OSBPL6: variants seen among roughly 807,000 people sequenced by gnomAD.
OSBPL6 encodes the protein oxysterol binding protein like 6, also known as oxysterol-binding protein-related protein 6.
Under a neutral mutation model 125.8 loss-of-function variants are expected in OSBPL6, and 49 were observed. That is an observed-to-expected ratio of 0.39 (90% confidence interval 0.31 to 0.49). OSBPL6 has a LOEUF of 0.49. OSBPL6 is among the 20% of genes least tolerant of loss of function. The pLI, the probability that OSBPL6 is intolerant of heterozygous loss-of-function variation, is 0.88. For missense variants in OSBPL6, 986 were observed against 1,135.4 expected, an observed-to-expected ratio of 0.87 and a Z score of 1.89; for synonymous variants, 394 against 391.8, an observed-to-expected ratio of 1.01 and a Z score of -0.07.
At position 178,396,267 on chromosome 2, in the gene OSBPL6, G is replaced by A. The variant is rs950539497; in HGVS notation, c.*708G>A. Reference sequence around the variant, plus strand: ...TGGGTTTTTTAAAAGTGAACAACACGTGCTTTACTCTGATAAGTCAGTTAC... The same window carrying A: ...TGGGTTTTTTAAAAGTGAACAACACATGCTTTACTCTGATAAGTCAGTTAC... On this transcript the variant is annotated 3_prime_UTR_variant, in exon 25 of 25. Coordinates refer to ENST00000190611, the MANE Select transcript of OSBPL6 (RefSeq NM_032523.4). The A allele has an allele frequency of 1.3e-5, 2 of 157,450 alleles. No homozygotes were observed. Among genetic ancestry groups the A allele is most frequent in the Non-Finnish European group, 2.8e-5 (2 of 70,824 alleles). 9.8% of individuals were successfully genotyped at this position (157,450 alleles called of 1,614,324 possible). A position where few individuals can be genotyped will look rare whatever the true frequency, so the allele number is the denominator to read the frequency against.
intron 1 of OSBPL6, among the ~76,000 whole-genome samples, chr2:178,272,672 A>T (rs563791937): frequency 6.6e-6 from 1 of 152,216 alleles, no homozygotes; most frequent in Admixed American, 6.5e-5. Flanking sequence ...GTCTCATTGC[A>T]TATCTTTTTA....
At chr2:178,239,983 G>T (rs758093265) in intron 1 of OSBPL6, among the ~76,000 whole-genome samples, 1 of 152,048 alleles carries the variant, frequency 6.6e-6, no homozygotes, top group Non-Finnish European at 1.5e-5. Context: ...ACAAATTTAA[G>T]TATATTTTAT....
intron 1 of OSBPL6, among the ~76,000 whole-genome samples, chr2:178,281,551 G>T (rs1195641548): frequency 2.0e-5 from 3 of 152,024 alleles, no homozygotes; most frequent in Admixed American, 6.5e-5. Flanking sequence ...GCTTGTTTTT[G>T]TCACGTTTGT....
At chr2:178,334,609 A>G (rs1402656335) in intron 8 of OSBPL6, among the ~76,000 whole-genome samples, 1 of 151,780 alleles carries the variant, frequency 6.6e-6, no homozygotes, top group Non-Finnish European at 1.5e-5. Flanking sequence ...AACCTCCTCA[A>G]CCTCCTCCTC....
rs998444346 is a variant in OSBPL6, at chr2:178,351,755, C to T, written c.1153+2366C>T. Among the ~76,000 whole-genome samples, 16 of 152,122 alleles carry T rather than the reference C, an allele frequency of 1.1e-4. No individual in the cohort carries two copies. The East Asian group carries it at 1.9e-3, about 18-fold the overall frequency. The stretch of plus-strand genomic sequence containing the variant: ...GACGCAGGAACAGAAAACCAAATAC[C>T]ACGTGTTCTCACTACAAGTGGGGGC... On this transcript the variant is annotated intron_variant, in intron 12 of 24. Coordinates refer to ENST00000190611, the MANE Select transcript of OSBPL6 (RefSeq NM_032523.4).
intron 15 of OSBPL6, among the ~76,000 whole-genome samples, chr2:178,376,506 C>T (rs758670678): frequency 2.6e-5 from 4 of 152,146 alleles, no homozygotes; most frequent in Non-Finnish European, 2.9e-5. Context: ...TAGATCACCC[C>T]ATCAGTCTCA....
Position 178,333,181 on chromosome 2 carries a change from C to T in OSBPL6, c.657+140C>T, listed in dbSNP as rs1000141891. ...GTGGATCGCCTGACAGCCAGGAGTT[C>T]GAGACCAGCCTGGGCAACATGGTGA... is the stretch of plus-strand genomic sequence containing the variant. On this transcript the variant is annotated intron_variant, in intron 8 of 24. Transcript: ENST00000190611. 25 of 856,380 alleles carry T rather than the reference C, an allele frequency of 2.9e-5. No individual in the cohort carries two copies. The East Asian group carries it at 4.3e-4, about 15-fold the overall frequency. The allele number at this position is 856,380 out of a possible 1,614,324, so 53.0% of individuals were successfully genotyped here.
At chr2:178,331,713 T>C in intron 6 of OSBPL6, 108 bp downstream of exon 6, 1 of 1,143,522 alleles carries the variant, frequency 8.7e-7, no homozygotes, top group Non-Finnish European at 1.3e-6. Context: ...GCTTTGTGCA[T>C]GTCTGGGCCT....
At chr2:178,326,905 T>A (rs934610242) in intron 4 of OSBPL6, among the ~76,000 whole-genome samples, 2 of 150,712 alleles carry the variant, frequency 1.3e-5, no homozygotes, top group African/African-American at 4.9e-5. Context: ...TATCTCTTTT[T>A]CCCCCCCTTC....
chr2:178,203,370 A>C (rs543923240), intron 1 of OSBPL6, among the ~76,000 whole-genome samples: 1 of 152,146 alleles, frequency 6.6e-6, no homozygotes, highest in Non-Finnish European at 1.5e-5. Flanking sequence ...TTCTTTGGCA[A>C]TGTCTACAGT....
chr2:178,354,827 A>G (rs529774409), intron 12 of OSBPL6, among the ~76,000 whole-genome samples: 6 of 151,526 alleles, frequency 4.0e-5, no homozygotes, highest in Non-Finnish European at 8.8e-5. Context: ...AATTGACCAC[A>G]TAATTGGAAG....
chr2:178,358,060 C>T (rs1300329559), intron 12 of OSBPL6, among the ~76,000 whole-genome samples: 3 of 152,006 alleles, frequency 2.0e-5, no homozygotes, highest in Non-Finnish European at 4.4e-5. Context: ...CGGCAGGGAA[C>T]ATCACACGCT....
At chr2:178,289,954 G>C (rs1193911085) in intron 2 of OSBPL6, among the ~76,000 whole-genome samples, 1 of 152,164 alleles carries the variant, frequency 6.6e-6, no homozygotes, top group African/African-American at 2.4e-5. Context: ...ACCTCAGGAG[G>C]CACATATGGT....
intron 4 of OSBPL6, among the ~76,000 whole-genome samples, chr2:178,327,460 A>G (rs1222709375): frequency 6.6e-6 from 1 of 152,206 alleles, no homozygotes; most frequent in African/African-American, 2.4e-5. Flanking sequence ...GAACAGAGAG[A>G]GAGCTCTAAT....
intron 2 of OSBPL6, among the ~76,000 whole-genome samples, chr2:178,294,533 T>G (rs577603771): frequency 6.6e-6 from 1 of 152,262 alleles, no homozygotes; most frequent in South Asian, 2.1e-4. Context: ...AAGAGCAGGT[T>G]GTTGCATTTA....
At chr2:178,349,602 A>C (rs1425265488) in intron 12 of OSBPL6, among the ~76,000 whole-genome samples, 1 of 152,218 alleles carries the variant, frequency 6.6e-6, no homozygotes, top group East Asian at 1.9e-4. Context: ...CTAAAGAAAG[A>C]AAGTGCCATG....
rs1419319907 is a variant in OSBPL6 at position 178,313,156 on chromosome 2, A to C, written c.102+6870A>C. The stretch of plus-strand genomic sequence containing the variant: ...GGAGGTCCACCTGCCTCAGCCTCCC[A>C]AAGTGCTGAGATTACAAGCATGAGC... On this transcript the variant is annotated intron_variant, in intron 3 of 24. Transcript: ENST00000190611. Among the ~76,000 whole-genome samples the C allele has an allele frequency of 4.6e-5, 7 of 152,256 alleles. No homozygotes were observed. The East Asian group carries it at 1.2e-3, about 25-fold the overall frequency.
intron 21 of OSBPL6, among the ~76,000 whole-genome samples, chr2:178,390,607 C>G (rs969727452): frequency 9.9e-5 from 15 of 152,176 alleles, no homozygotes; most frequent in African/African-American, 3.4e-4. Context: ...TAGGCAAACT[C>G]CCATAGACTT....
intron 1 of OSBPL6, among the ~76,000 whole-genome samples, chr2:178,278,440 C>T (rs1183284306): frequency 6.6e-6 from 1 of 152,132 alleles, no homozygotes; most frequent in Non-Finnish European, 1.5e-5. Context: ...AATTGACTTA[C>T]TGTTGTGGAT....
Sources: allele counts gnomAD v4.1 joint callset (sites outside exome capture counted in the v4.1 genomes callset), GRCh38; gene constraint gnomAD v4.1.1; transcripts MANE v1.5; gene names NCBI Gene and HGNC (gene_info 2026-07-23, HGNC 2026-07-21).